DLEU7: variants seen among roughly 807,000 people sequenced by gnomAD.
DLEU7 encodes the protein deleted in lymphocytic leukemia 7, also known as leukemia-associated protein 7.
A neutral mutation model predicts 16.0 loss-of-function variants in DLEU7; 17 were observed. The ratio of observed to expected loss-of-function variants is 1.06; its 90% CI spans 0.73 to 1.59. DLEU7 has a LOEUF of 1.59. Among genes scored for constraint, DLEU7 ranks in the 40% most tolerant of loss-of-function variants. The pLI is 0.00. For synonymous variants in DLEU7, 113 were observed against 139.8 expected (o/e 0.81, Z 1.35); for missense variants, 308 against 314.9 (o/e 0.98, Z 0.17).
intron 1 of DLEU7, among the ~76,000 whole-genome samples, chr13:50,734,400 T>C (rs901951481): frequency 6.6e-6 from 1 of 152,166 alleles, no homozygotes; most frequent in Non-Finnish European, 1.5e-5. Flanking sequence ...ATTTTACTCA[T>C]ATTGGCCCTC....
chr13:50,791,428 C>G (rs1875956791), intron 1 of DLEU7, among the ~76,000 whole-genome samples: 1 of 152,160 alleles, frequency 6.6e-6, no homozygotes, highest in South Asian at 2.1e-4. Flanking sequence ...GAAAAGCCAC[C>G]TTGGTGGCCT....
At chr13:50,796,329 C>T (rs963223953) in intron 1 of DLEU7, among the ~76,000 whole-genome samples, 1 of 152,074 alleles carries the variant, frequency 6.6e-6, no homozygotes, top group African/African-American at 2.4e-5. Flanking sequence ...TATTTGAACA[C>T]AAGCACTGTG....
At position 50,730,810 on chromosome 13, in the gene DLEU7, G is replaced by T. The variant is rs540586149; in HGVS notation, c.460-17570C>A. On this transcript the variant is annotated intron_variant, in intron 1 of 1. Transcript: ENST00000400393. ...TTGAGAGAATTAGATAAAAAAAGAT[G>T]GAGCAAATGAAGGTGTGTGTGTTTG... Among the ~76,000 whole-genome samples, 26 of 152,188 alleles carry T rather than the reference G, an allele frequency of 1.7e-4. No individual in the cohort carries two copies. In the South Asian group the frequency reaches 5.4e-3, roughly 32 times the overall value.
In DLEU7 at chr13:50,843,240, T is replaced by C. The variant is rs1877731635; in HGVS notation, c.407A>G (p.Gln136Arg). Residue 136 changes from glutamine (Q) to arginine (R), a missense_variant, in exon 1 of 2, where the codon CAG becomes CGG. Transcript: ENST00000504404. This position sits in a 1 kb window ranked among gnomAD's most constrained non-coding sequence, Gnocchi z 5.7. ...CTGCTGGAGGGGCCCCAGCAGCGTC[T>C]GCTCCACGCTGACCAGCTCCGAAGT... Reference protein sequence around the residue: ...DSTSELVSVEQTLLGPLQQER... With the variant: ...DSTSELVSVERTLLGPLQQER... 6.3e-7 allele frequency: 1 copy of C among 1,594,090 alleles called. No homozygotes were observed. Among genetic ancestry groups the C allele is most frequent in the Non-Finnish European group, 8.5e-7 (1 of 1,170,948 alleles).
intron 1 of DLEU7, among the ~76,000 whole-genome samples, chr13:50,830,663 C>G (rs777099945): frequency 6.6e-6 from 1 of 152,192 alleles, no homozygotes; most frequent in Non-Finnish European, 1.5e-5. Flanking sequence ...GCAATCCAAT[C>G]AAAGAAATAG....
intron 1 of DLEU7, among the ~76,000 whole-genome samples, chr13:50,745,202 C>CA (rs1874359870): frequency 1.3e-5 from 2 of 152,094 alleles, no homozygotes; most frequent in African/African-American, 2.4e-5. Flanking sequence ...CAAAATGTGG[C>CA]ATATACATAA....
At chr13:50,836,349 AGAG>A (rs1877461440) in intron 1 of DLEU7, among the ~76,000 whole-genome samples, 1 of 149,754 alleles carries the variant, frequency 6.7e-6, no homozygotes, top group African/African-American at 2.5e-5. Context: ...AAAGAGAAGG[AGAG>A]GAGGAGAAGA....
intron 1 of DLEU7, among the ~76,000 whole-genome samples, chr13:50,724,950 G>A (rs1245713376): frequency 2.6e-5 from 4 of 152,310 alleles, no homozygotes; most frequent in South Asian, 2.1e-4. Context: ...CTATTTATAT[G>A]TTCCCACAAC....
At chr13:50,758,848 T>C (rs1180234115) in intron 1 of DLEU7, among the ~76,000 whole-genome samples, 1 of 152,194 alleles carries the variant, frequency 6.6e-6, no homozygotes, top group Non-Finnish European at 1.5e-5. Flanking sequence ...GTGGCACTCC[T>C]TTACTTAGCT....
chr13:50,830,276 G>T (rs1029749188), intron 1 of DLEU7, among the ~76,000 whole-genome samples: 10 of 152,178 alleles, frequency 6.6e-5, no homozygotes, highest in African/African-American at 2.4e-4. Flanking sequence ...GATCTATTGG[G>T]GTAATGGCCT....
chr13:50,796,599 G>T (rs189860975), intron 1 of DLEU7, among the ~76,000 whole-genome samples: 1 of 152,128 alleles, frequency 6.6e-6, no homozygotes, highest in African/African-American at 2.4e-5. Flanking sequence ...ACTGAAACCA[G>T]GTATAAGTGG....
downstream of DLEU7, chr13:50,711,772 C>CCGGGGGGGGGGGGGGGG: frequency 3.2e-4 from 23 of 72,930 alleles, no homozygotes; most frequent in Middle Eastern, 7.4e-3. Context: ...GACCCAGTGG[C>CCGGGGGGGGGGGGGGGG]GGGGGCGGGG....
chr13:50,759,604 G>C (rs1458077532), intron 1 of DLEU7, among the ~76,000 whole-genome samples: 1 of 152,158 alleles, frequency 6.6e-6, no homozygotes, highest in Non-Finnish European at 1.5e-5. Context: ...GGGCACAGTA[G>C]TGATAGTAGT....
At chr13:50,752,029 G>T (rs1415606073) in intron 1 of DLEU7, among the ~76,000 whole-genome samples, 1 of 145,910 alleles carries the variant, frequency 6.9e-6, no homozygotes, top group Non-Finnish European at 1.5e-5. Flanking sequence ...GTGTGACTTT[G>T]TGTCAGTTTG....
At chr13:50,723,960 A>C (rs1312039317) in intron 1 of DLEU7, among the ~76,000 whole-genome samples, 1 of 152,104 alleles carries the variant, frequency 6.6e-6, no homozygotes, top group Admixed American at 6.5e-5. Flanking sequence ...GGGTCATAGA[A>C]GGAGAGCAAA....
chr13:50,757,521 G>A (rs1350045550), intron 1 of DLEU7, among the ~76,000 whole-genome samples: 2 of 152,122 alleles, frequency 1.3e-5, no homozygotes, highest in African/African-American at 4.8e-5. Context: ...TTCCCCACCA[G>A]CCAAACCAAT....
intron 1 of DLEU7, among the ~76,000 whole-genome samples, chr13:50,723,835 T>A (rs914375012): frequency 2.0e-5 from 3 of 151,062 alleles, no homozygotes; most frequent in East Asian, 3.9e-4. Context: ...AAAAAAATAA[T>A]AAAAAAAATA....
chr13:50,802,492 A>G (rs1876279388), intron 1 of DLEU7, among the ~76,000 whole-genome samples: 1 of 152,244 alleles, frequency 6.6e-6, no homozygotes, highest in African/African-American at 2.4e-5. Flanking sequence ...AGAAAGCGAC[A>G]GTACCTATGT....
chr13:50,718,027 T>C (rs184144057), intron 1 of DLEU7, among the ~76,000 whole-genome samples: 359 of 152,292 alleles, frequency 2.4e-3, no homozygotes, highest in African/African-American at 8.1e-3. Context: ...TGGGAGCTTG[T>C]TTCCAATGCA....
Sources: gnomAD v4.1 joint callset for allele counts (sites outside exome capture counted in the v4.1 genomes callset) on GRCh38, gnomAD v4.1.1 for gene constraint, Gnocchi (gnomAD v3.1) non-coding constraint, MANE v1.5 for transcripts, NCBI Gene and HGNC (gene_info 2026-07-23, HGNC 2026-07-21) for gene names.